The following ZNF488 variants were observed in gnomAD, a reference collection of about 807,000 sequenced individuals.
The protein encoded by ZNF488 is zinc finger protein 488.
In ZNF488, 1 loss-of-function variant was observed where a neutral mutation model predicts 1.2. The observed-to-expected ratio is 0.86, with a 90% CI of 0.30 to 4.07. The LOEUF is 4.07. Among genes scored for constraint, ZNF488 ranks in the 30% most tolerant of loss-of-function variants. ZNF488 has a pLI of 0.18. For missense variants in ZNF488, 450 were observed against 437.9 expected, an observed-to-expected ratio of 1.03 and a Z score of -0.25; for synonymous variants, 185 against 190.1, an observed-to-expected ratio of 0.97 and a Z score of 0.22.
In ZNF488 at chr10:47,368,701, C is replaced by A. The variant is rs909329435; in HGVS notation, c.129G>T (p.Arg43=). The A allele has an allele frequency of 6.2e-7, 1 of 1,612,914 alleles. No individual in the cohort carries two copies. Among genetic ancestry groups the A allele is most frequent in the East Asian group, 2.2e-5 (1 of 44,886 alleles). ...RWRLSEPELG[R]GCKPVLLEKT... Reference sequence around the variant, plus strand: ...TCTCGAGCAGCACTGGCTTGCAGCCCCGGCCCAGCTCAGGTTCGCTAAGTC... The same window carrying A: ...TCTCGAGCAGCACTGGCTTGCAGCCACGGCCCAGCTCAGGTTCGCTAAGTC... Residue 43 remains arginine (R), a synonymous_variant, in exon 2 of 2, where the codon CGG becomes CGT. Transcript: ENST00000585316.
At chr10:47,369,545 G>A (rs782301610) in intron 1 of ZNF488, among the ~76,000 whole-genome samples, 6 of 152,094 alleles carry the variant, frequency 3.9e-5, no homozygotes, top group East Asian at 1.9e-4. Flanking sequence ...ATTGCTCCTC[G>A]GTCTACCAGA....
intron 1 of ZNF488, among the ~76,000 whole-genome samples, chr10:47,377,671 T>TCTCA (rs1555214622): frequency 9.5e-5 from 10 of 104,952 alleles, no homozygotes; most frequent in Non-Finnish European, 1.0e-4. Context: ...GCAATAACAA[T>TCTCA]CACACACACA....
intron 1 of ZNF488, among the ~76,000 whole-genome samples, chr10:47,380,106 G>T (rs1173315272): frequency 6.6e-6 from 1 of 152,276 alleles, no homozygotes; most frequent in Non-Finnish European, 1.5e-5. Context: ...GATGCTTTGT[G>T]GTCGTCAGCT....
rs782110739 is a variant in ZNF488, at chr10:47,368,784, T to C, written c.46A>G (p.Ile16Val). 2.0e-5 allele frequency: 32 copies of C among 1,609,338 alleles called. No individual in the cohort carries two copies. The highest frequency in any genetic ancestry group is 3.3e-4 in the Middle Eastern group (2 of 6,034). ...PCLSVAPALV[I>V]TMAAGKGAPL... ...GCTCCCTTCCCAGCTGCCATGGTGATCACCAGGGCCGGGGCCACAGATAAG... is the reference window on the plus strand; with the variant it reads ...GCTCCCTTCCCAGCTGCCATGGTGACCACCAGGGCCGGGGCCACAGATAAG... Residue 16 changes from isoleucine to valine, a missense_variant, in exon 2 of 2, where the codon ATC becomes GTC. Physicochemically the swap from Ile to Val is conservative, Grantham distance 29. Coordinates refer to ENST00000585316, the MANE Select transcript of ZNF488 (RefSeq NM_153034.4).
chr10:47,384,112 G>T (rs1838089035), intron 1 of ZNF488, 108 bp downstream of exon 1: 1 of 152,514 alleles, frequency 6.6e-6, no homozygotes, highest in Non-Finnish European at 1.5e-5. Flanking sequence ...GTCAAAGGCA[G>T]GACTCAACAA....
In ZNF488 at chr10:47,367,305, T is replaced by A. The variant is rs1837252878; in HGVS notation, c.*502A>T. 1 of 174,340 alleles carries A rather than the reference T, an allele frequency of 5.7e-6. No homozygotes were observed. Among genetic ancestry groups the A allele is most frequent in the South Asian group, 1.9e-4 (1 of 5,294 alleles). 10.8% of individuals were successfully genotyped at this position (174,340 alleles called of 1,614,324 possible). On this transcript the variant is annotated 3_prime_UTR_variant, in exon 2 of 2. Transcript: ENST00000585316. Reference sequence around the variant, plus strand: ...TAACAATAGCTAACTAGTACAGACATCATCACAAACCTTGTTGACTCAGTG... The same window carrying A: ...TAACAATAGCTAACTAGTACAGACAACATCACAAACCTTGTTGACTCAGTG...
intron 1 of ZNF488, among the ~76,000 whole-genome samples, chr10:47,383,654 G>A (rs868979343): frequency 6.6e-6 from 1 of 152,212 alleles, no homozygotes; most frequent in Middle Eastern, 3.2e-3. Flanking sequence ...TCCCAGGAAA[G>A]GCAGTGAACA....
intron 1 of ZNF488, among the ~76,000 whole-genome samples, chr10:47,377,069 G>A (rs1837706028): frequency 6.6e-6 from 1 of 152,224 alleles, no homozygotes; most frequent in Admixed American, 6.5e-5. Flanking sequence ...TCCCTGGGGA[G>A]AGACAGCCTG....
In ZNF488 at chr10:47,368,378, C is replaced by T. The variant is rs782086905; in HGVS notation, c.452G>A (p.Trp151Ter). Residue 151 changes from tryptophan to a stop codon, truncating the protein, a stop_gained, in exon 2 of 2, where the codon TGG (tryptophan) becomes TAG (stop). Coordinates refer to ENST00000585316, the MANE Select transcript of ZNF488 (RefSeq NM_153034.4). LOFTEE classifies it low-confidence loss of function (END_TRUNC). Reference sequence around the variant, plus strand: ...TTGCTCACTTCGTGCTCCGCTGGGCCACACAGAGAAGACTTTGCTGCCAGC... The same window carrying T: ...TTGCTCACTTCGTGCTCCGCTGGGCTACACAGAGAAGACTTTGCTGCCAGC... Reference protein sequence around the residue: ...GPAGSKVFSVWPSGARSEQRS... With the variant: ...GPAGSKVFSV 1.1e-5 allele frequency: 18 copies of T among 1,614,054 alleles called. No homozygotes were observed. The African/African-American group carries it at 2.4e-4, about 22-fold the overall frequency.
intron 1 of ZNF488, among the ~76,000 whole-genome samples, chr10:47,369,941 C>G (rs1837403629): frequency 6.6e-6 from 1 of 152,212 alleles, no homozygotes; most frequent in African/African-American, 2.4e-5. Context: ...AGTACTTAAT[C>G]AAGCCTGCAA....
At chr10:47,383,821 C>T (rs1838077704) in intron 1 of ZNF488, among the ~76,000 whole-genome samples, 2 of 152,070 alleles carry the variant, frequency 1.3e-5, no homozygotes, top group African/African-American at 4.8e-5. Flanking sequence ...AAAACAACTG[C>T]AGCCTGAAAG....
chr10:47,367,854 A>G lies in ZNF488; in HGVS notation c.976T>C (p.Phe326Leu). 1 of 1,613,706 alleles carries G rather than the reference A, an allele frequency of 6.2e-7. No homozygotes were observed. Among genetic ancestry groups the G allele is most frequent in the Non-Finnish European group, 8.5e-7 (1 of 1,179,988 alleles). Reference protein sequence around the residue: ...ALACPVCQEHFRERHHLSRHM... With the variant: ...ALACPVCQEHLRERHHLSRHM... ...CGGGAGAGGTGGTGGCGCTCCCGGAAGTGCTCCTGGCACACAGGGCAGGCA... is the reference window on the plus strand; with the variant it reads ...CGGGAGAGGTGGTGGCGCTCCCGGAGGTGCTCCTGGCACACAGGGCAGGCA... Residue 326 changes from phenylalanine (F) to leucine (L), a missense_variant, in exon 2 of 2, where the codon TTC becomes CTC. Coordinates refer to ENST00000585316, the MANE Select transcript of ZNF488 (RefSeq NM_153034.4).
chr10:47,373,177 TGTGGCAAAAGTTAGACACA>T (rs1198958554), intron 1 of ZNF488, among the ~76,000 whole-genome samples: 2 of 152,222 alleles, frequency 1.3e-5, no homozygotes, highest in African/African-American at 4.8e-5. Flanking sequence ...GGTCCATGCA[TGTGGCAAAAGTTAGACACA>T]GTGAGCTTTG....
Position 47,368,649 on chromosome 10 carries a change from C to T in ZNF488, c.181G>A (p.Ala61Thr), listed in dbSNP as rs782195028. 1.2e-6 allele frequency: 2 copies of T among 1,611,338 alleles called. No individual in the cohort carries two copies. The highest frequency in any genetic ancestry group is 1.3e-5 in the African/African-American group (1 of 75,062). ...ACATCCCGGCCCGCCCTGCCCACAG[C>T]AGCCTCAGGGCCCAGGCGGTTCGTC... ...EKTNRLGPEA[A>T]VGRAGRDVGS... Residue 61 changes from alanine (A) to threonine (T), a missense_variant, in exon 2 of 2, where the codon GCT becomes ACT. Coordinates refer to ENST00000585316, the MANE Select transcript of ZNF488 (RefSeq NM_153034.4).
In ZNF488 at chr10:47,366,151, A is replaced by G. The variant is rs76317560; in HGVS notation, c.*1656T>C. 514 of 167,238 alleles carry G rather than the reference A, an allele frequency of 3.1e-3. 1 individual carries two copies. Among genetic ancestry groups the G allele is most frequent in the Admixed American group, 3.6e-3 (55 of 15,300 alleles). 10.4% of individuals were successfully genotyped at this position (167,238 alleles called of 1,614,324 possible). ...TTGCCTGGCACACAGGGAGAGTGAA[A>G]TGAGTGCTTGCAATTAACATGAGGC... On this transcript the variant is annotated 3_prime_UTR_variant, in exon 2 of 2. Coordinates refer to ENST00000585316, the MANE Select transcript of ZNF488 (RefSeq NM_153034.4).
At chr10:47,376,412 C>T (rs750626266) in intron 1 of ZNF488, among the ~76,000 whole-genome samples, 22 of 152,148 alleles carry the variant, frequency 1.4e-4, no homozygotes, top group Non-Finnish European at 3.1e-4. Context: ...TGTAAACGAC[C>T]ACTTTTCATT....
intron 1 of ZNF488, among the ~76,000 whole-genome samples, 184 bp from the exon 2 acceptor site, chr10:47,369,121 A>G (rs1437906726): frequency 6.6e-6 from 1 of 152,108 alleles, no homozygotes; most frequent in Non-Finnish European, 1.5e-5. Flanking sequence ...TCCAGGGCCC[A>G]CCTCCCTGAG....
chr10:47,377,604 A>T (rs536503984), intron 1 of ZNF488, among the ~76,000 whole-genome samples: 1,694 of 44,982 alleles, frequency 0.038, 36 homozygotes, highest in African/African-American at 0.14. Flanking sequence ...ACAATCTCAC[A>T]CACACACACA....
intron 1 of ZNF488, among the ~76,000 whole-genome samples, chr10:47,370,752 C>T (rs1462105778): frequency 4.6e-5 from 7 of 152,264 alleles, no homozygotes; most frequent in Admixed American, 2.0e-4. Context: ...TGCTTATGAA[C>T]GAATGCTGAG....
Sources: allele counts gnomAD v4.1 joint callset (sites outside exome capture counted in the v4.1 genomes callset), GRCh38; gene constraint gnomAD v4.1.1; transcripts MANE v1.5; gene names NCBI Gene and HGNC (gene_info 2026-07-23, HGNC 2026-07-21).